CSMD1: variants seen among roughly 807,000 people sequenced by gnomAD.
CSMD1 encodes the protein CUB and Sushi multiple domains 1.
CSMD1 carries 213 observed loss-of-function variants against 417.5 expected under a neutral mutation model. That is an observed-to-expected ratio of 0.51 (90% CI 0.46 to 0.57). CSMD1 has a LOEUF of 0.57. CSMD1 is among the 20% of genes least tolerant of loss of function. CSMD1 has a pLI of 0.00. For missense variants in CSMD1, 6,923 were observed against 4,529.7 expected (o/e 1.53, Z -15.17); for synonymous variants, 2,862 against 1,736.8 (o/e 1.65, Z -16.11).
At chr8:4,734,668 G>A (rs553028951) in intron 1 of CSMD1, among the ~76,000 whole-genome samples, 3 of 152,048 alleles carry the variant, frequency 2.0e-5, no homozygotes, top group South Asian at 2.1e-4. Flanking sequence ...ATGATTCTTA[G>A]CTCTTACCCA....
chr8:3,222,104 G>C (rs2116862973), intron 28 of CSMD1, among the ~76,000 whole-genome samples: 1 of 152,168 alleles, frequency 6.6e-6, no homozygotes, highest in East Asian at 1.9e-4. Flanking sequence ...GGTTTTCACT[G>C]ATTTCTGAAG....
At chr8:4,569,497 G>A (rs765390460) in intron 2 of CSMD1, among the ~76,000 whole-genome samples, 17 of 152,172 alleles carry the variant, frequency 1.1e-4, no homozygotes, top group Non-Finnish European at 2.2e-4. Flanking sequence ...TGTTCCATTG[G>A]TCTCTATATC....
intron 1 of CSMD1, among the ~76,000 whole-genome samples, chr8:4,917,020 G>A (rs1563758620): frequency 6.6e-6 from 1 of 152,190 alleles, no homozygotes; most frequent in Non-Finnish European, 1.5e-5. Context: ...ATAACCACCT[G>A]AGACTGGGTA....
chr8:4,724,017 G>A (rs544804965), intron 1 of CSMD1, among the ~76,000 whole-genome samples: 1 of 152,150 alleles, frequency 6.6e-6, no homozygotes, highest in Non-Finnish European at 1.5e-5. Flanking sequence ...GCTCTGTCAT[G>A]ACCATTAAAT....
At chr8:4,736,695 A>G (rs1202390034) in intron 1 of CSMD1, among the ~76,000 whole-genome samples, 2 of 152,232 alleles carry the variant, frequency 1.3e-5, no homozygotes. Context: ...CGCAGGAAAA[A>G]GAATAATTTA....
chr8:3,480,165 C>A (rs1817655743), intron 11 of CSMD1, among the ~76,000 whole-genome samples: 2 of 151,952 alleles, frequency 1.3e-5, no homozygotes. Context: ...TCAAGACCAG[C>A]CTGGGCAACA....
intron 25 of CSMD1, among the ~76,000 whole-genome samples, chr8:3,307,003 TCTTGGTCTAC>T (rs1804912063): frequency 6.7e-6 from 1 of 148,758 alleles, no homozygotes; most frequent in Non-Finnish European, 1.5e-5. Context: ...TAGAGTACTT[TCTTGGTCTAC>T]CTCAAAGTTA....
rs370105010 is a variant in CSMD1 at position 4,679,195 on chromosome 8, C to A, written c.86-41637G>T. Among the ~76,000 whole-genome samples, 229 of 152,272 alleles carry A rather than the reference C, an allele frequency of 1.5e-3. 1 individual carries two copies. The highest frequency in any genetic ancestry group is 5.4e-3 in the African/African-American group (225 of 41,568). ...GTTCTATTGAATCTGGCTCTGGGAG[C>A]TGTCTTTGCAGGGCTTTCCCTGGAC... On this transcript the variant is annotated intron_variant, in intron 1 of 69. Transcript: ENST00000635120.
At chr8:3,331,754 G>A (rs889111279) in intron 23 of CSMD1, among the ~76,000 whole-genome samples, 1 of 152,184 alleles carries the variant, frequency 6.6e-6, no homozygotes, top group Non-Finnish European at 1.5e-5. Flanking sequence ...CTGACCTTCA[G>A]GGCTTCATGC....
intron 18 of CSMD1, among the ~76,000 whole-genome samples, chr8:3,382,208 G>A (rs1009651907): frequency 2.6e-5 from 4 of 151,750 alleles, no homozygotes; most frequent in African/African-American, 4.8e-5. Flanking sequence ...TTAGTGAGCC[G>A]AGATCCTGTC....
chr8:3,852,353 G>A (rs560122696), intron 5 of CSMD1, among the ~76,000 whole-genome samples: 56 of 152,214 alleles, frequency 3.7e-4, no homozygotes, highest in African/African-American at 1.3e-3. Flanking sequence ...AAGCAGTGCA[G>A]GATAAGGGAC....
chr8:3,281,639 G>C (rs915781560), intron 26 of CSMD1, among the ~76,000 whole-genome samples: 2 of 152,290 alleles, frequency 1.3e-5, no homozygotes, highest in East Asian at 1.9e-4. Flanking sequence ...CAAAACTATG[G>C]AGACAGTGAA....
chr8:4,027,927 A>C (rs1329058066), intron 4 of CSMD1, among the ~76,000 whole-genome samples: 2 of 152,186 alleles, frequency 1.3e-5, no homozygotes, highest in African/African-American at 4.8e-5. Flanking sequence ...TAATGGAAAT[A>C]ATGGTAGAAA....
At chr8:4,748,764 G>A (rs1196171307) in intron 1 of CSMD1, among the ~76,000 whole-genome samples, 1 of 152,186 alleles carries the variant, frequency 6.6e-6, no homozygotes, top group South Asian at 2.1e-4. Context: ...TTAATTACTG[G>A]TTAATTATTG....
intron 3 of CSMD1, among the ~76,000 whole-genome samples, chr8:4,059,343 A>C (rs1329865204): frequency 6.6e-6 from 1 of 152,266 alleles, no homozygotes; most frequent in East Asian, 1.9e-4. Context: ...GAAAGTAGGA[A>C]AGATCCAAAA....
intron 39 of CSMD1, among the ~76,000 whole-genome samples, chr8:3,154,248 C>T (rs1160814831): frequency 6.6e-6 from 1 of 152,224 alleles, no homozygotes; most frequent in African/African-American, 2.4e-5. Context: ...GAGGGGATTA[C>T]AGGCCTGAGC....
intron 3 of CSMD1, among the ~76,000 whole-genome samples, chr8:4,248,736 C>A (rs1259861179): frequency 6.6e-6 from 1 of 152,176 alleles, no homozygotes; most frequent in Non-Finnish European, 1.5e-5. Flanking sequence ...TCTCTATCAA[C>A]TGACATTACA....
chr8:3,408,518 T>C (rs1812485497), intron 13 of CSMD1, among the ~76,000 whole-genome samples: 1 of 147,404 alleles, frequency 6.8e-6, no homozygotes, highest in South Asian at 2.1e-4. Context: ...AATATTATAA[T>C]TTCTAGTTAT....
At chr8:3,691,076 G>T (rs1015918811) in intron 7 of CSMD1, among the ~76,000 whole-genome samples, 12 of 151,902 alleles carry the variant, frequency 7.9e-5, no homozygotes, top group African/African-American at 2.2e-4. Context: ...TAGCAAAACT[G>T]TATCAATGGG....
Sources: gnomAD v4.1 joint callset for allele counts (sites outside exome capture counted in the v4.1 genomes callset) on GRCh38, gnomAD v4.1.1 for gene constraint, MANE v1.5 for transcripts, NCBI Gene and HGNC (gene_info 2026-07-23, HGNC 2026-07-21) for gene names.